The following SETDB1 variants were observed in gnomAD, a reference collection of about 807,000 sequenced individuals.
SETDB1 encodes SET domain bifurcated histone lysine methyltransferase 1, also known as histone-lysine N-methyltransferase SETDB1.
A neutral mutation model predicts 137.4 loss-of-function variants in SETDB1; 31 were observed. The observed-to-expected ratio is 0.23, with a 90% confidence interval of 0.17 to 0.30. The LOEUF (loss-of-function observed/expected upper bound fraction) is 0.30. Ranked by LOEUF, SETDB1 falls within the 10% of genes least tolerant of loss-of-function variation. The pLI is 1.00. For missense variants in SETDB1, 1,113 were observed against 1,631.5 expected (o/e 0.68, Z 5.47); for synonymous variants, 548 against 579.9 (o/e 0.95, Z 0.79).
chr1:150,928,078 G>T (rs987311482), intron 2 of SETDB1, 104 bp downstream of exon 2: 13 of 1,384,502 alleles, frequency 9.4e-6, no homozygotes, highest in Non-Finnish European at 1.3e-5. Flanking sequence ...TATGTTTTGA[G>T]ACGGAGTCTC....
intron 5 of SETDB1, 40 bp from the exon 6 acceptor site, chr1:150,942,523 T>A (rs1670197690): frequency 1.9e-6 from 3 of 1,579,194 alleles, no homozygotes; most frequent in Non-Finnish European, 1.7e-6. Flanking sequence ...CTACCGAATC[T>A]ATGTCATAAC....
intron 14 of SETDB1, 137 bp downstream of exon 14, chr1:150,951,618 A>G: frequency 1.8e-6 from 1 of 552,086 alleles, no homozygotes; most frequent in South Asian, 2.8e-5. Context: ...TTTATTAATT[A>G]GATCTTATTT....
intron 1 of SETDB1, 47 bp from the exon 2 acceptor site, chr1:150,927,657 T>C (rs781094889): frequency 1.3e-6 from 2 of 1,546,558 alleles, no homozygotes; most frequent in Non-Finnish European, 8.8e-7. Flanking sequence ...TATTGATTGA[T>C]TGTAGTTATA....
At chr1:150,939,251 A>ATTTTTT (rs71580343) in intron 3 of SETDB1, among the ~76,000 whole-genome samples, 1 of 107,188 alleles carries the variant, frequency 9.3e-6, no homozygotes, top group Non-Finnish European at 1.8e-5. Flanking sequence ...TGCACCCAGC[A>ATTTTTT]TTTTTTTTTT....
At chr1:150,937,071 G>T (rs1669968322) in intron 3 of SETDB1, among the ~76,000 whole-genome samples, 1 of 152,012 alleles carries the variant, frequency 6.6e-6, no homozygotes, top group Admixed American at 6.6e-5. Flanking sequence ...GTTGCTGTGA[G>T]CCAAGATTGG....
In SETDB1 at chr1:150,941,992, T is replaced by A. The variant is rs369199057; in HGVS notation, c.547+564T>A. 1.6e-3 allele frequency among the ~76,000 whole-genome samples: 246 copies of A among 149,442 alleles called. 1 individual carries two copies. The highest frequency in any genetic ancestry group is 5.8e-3 in the African/African-American group (236 of 40,344). On this transcript the variant is annotated intron_variant, in intron 5 of 21. Transcript: ENST00000692827. The stretch of plus-strand genomic sequence containing the variant: ...CTGTCTCTATTAAAAATACAAAAAT[T>A]AGCCAGGCGTGGTGGCGCACGCCTG...
intron 14 of SETDB1, among the ~76,000 whole-genome samples, chr1:150,956,620 T>G (rs1020053705): frequency 1.3e-5 from 2 of 152,208 alleles, no homozygotes; most frequent in Non-Finnish European, 2.9e-5. Context: ...TGGTGCAGGT[T>G]ACATGGTATG....
chr1:150,949,637 A>C, intron 12 of SETDB1, 112 bp downstream of exon 12: 2 of 894,320 alleles, frequency 2.2e-6, no homozygotes, highest in South Asian at 4.1e-5. Context: ...GATAGTGAGG[A>C]GTTTGGACTT....
Position 150,949,264 on chromosome 1 carries a change from A to C in SETDB1, c.1410A>C (p.Gln470His). The C allele has an allele frequency of 6.2e-7, 1 of 1,613,634 alleles. No homozygotes were observed. The highest frequency in any genetic ancestry group is 2.2e-5 in the East Asian group (1 of 44,878). ...CACCTGCTCCACCTCTATCCCCCCAAGCAGGTGACAGTGAGTGAGTGTTAT... is the reference window on the plus strand; with the variant it reads ...CACCTGCTCCACCTCTATCCCCCCACGCAGGTGACAGTGAGTGAGTGTTAT... ...PFPPAPPLSP[Q>H]AGDSESLESQ... The change falls in exon 11 of 22, where the codon CAA becomes CAC. Residue 470 changes from glutamine (Q) to histidine (H), a missense_variant. Transcript: ENST00000692827.
At chr1:150,953,860 T>A (rs920900055) in intron 14 of SETDB1, among the ~76,000 whole-genome samples, 11 of 146,188 alleles carry the variant, frequency 7.5e-5, no homozygotes, top group Non-Finnish European at 1.1e-4. Flanking sequence ...AAAAAAAAAA[T>A]TTTTTTTTTT....
At chr1:150,953,407 T>G (rs1670552346) in intron 14 of SETDB1, among the ~76,000 whole-genome samples, 1 of 150,702 alleles carries the variant, frequency 6.6e-6, no homozygotes, top group African/African-American at 2.4e-5. Flanking sequence ...GCACCTGTAA[T>G]CCCAGCTACT....
chr1:150,929,090 A>G (rs1669639581), intron 2 of SETDB1, among the ~76,000 whole-genome samples: 1 of 152,170 alleles, frequency 6.6e-6, no homozygotes, highest in African/African-American at 2.4e-5. Context: ...ATGATTTATA[A>G]TCCTTTGGGT....
chr1:150,950,378 T>G (rs1437726147), intron 12 of SETDB1, 80 bp from the exon 13 acceptor site: 14 of 1,227,322 alleles, frequency 1.1e-5, no homozygotes, highest in Non-Finnish European at 1.6e-5. Flanking sequence ...ATGAGAGAAA[T>G]GGCTTAGCTA....
At chr1:150,930,722 G>A (rs1441333306) in intron 3 of SETDB1, among the ~76,000 whole-genome samples, 2 of 151,562 alleles carry the variant, frequency 1.3e-5, no homozygotes, top group Non-Finnish European at 2.9e-5. Flanking sequence ...ATTTTTAGTA[G>A]AGACAGGGTT....
chr1:150,948,594 T>C (rs1474938886), intron 10 of SETDB1, among the ~76,000 whole-genome samples: 1 of 151,996 alleles, frequency 6.6e-6, no homozygotes, highest in Non-Finnish European at 1.5e-5. Context: ...TCCTTTACTT[T>C]GTGAATAAAC....
At chr1:150,964,128 C>T (rs767282328) in intron 21 of SETDB1, 45 bp downstream of exon 21, 1 of 1,577,708 alleles carries the variant, frequency 6.3e-7, no homozygotes, top group South Asian at 1.1e-5. Flanking sequence ...GCAAGGACCA[C>T]TGAAGTTCTA....
chr1:150,942,490 T>A, intron 5 of SETDB1, 73 bp from the exon 6 acceptor site: 1 of 1,267,672 alleles, frequency 7.9e-7, no homozygotes, highest in Non-Finnish European at 1.1e-6. Flanking sequence ...ATTACCATAC[T>A]ACCCTCTTTA....
chr1:150,964,285 A>G lies in SETDB1; in HGVS notation c.3800A>G (p.Asn1267Ser). The G allele has an allele frequency of 6.2e-7, 1 of 1,614,168 alleles. No individual in the cohort carries two copies. Among genetic ancestry groups the G allele is most frequent in the Non-Finnish European group, 8.5e-7 (1 of 1,180,028 alleles). The change falls in exon 22 of 22, where the codon AAC (asparagine) becomes AGC (serine). Residue 1267 changes from asparagine to serine, a missense_variant. This residue lies in a region of SETDB1 where 37 missense variants were observed against 123.2 expected (regional missense o/e 0.30). Coordinates refer to ENST00000692827, the MANE Select transcript of SETDB1 (RefSeq NM_001366418.1). ...GGGACAGAACTTACTTGGGACTACA[A>G]CTACGAGGTGGGCAGTGTGGAAGGC... ...RAGTELTWDY[N>S]YEVGSVEGKE...
intron 6 of SETDB1, 75 bp downstream of exon 6, chr1:150,942,763 T>A: frequency 6.3e-7 from 1 of 1,597,824 alleles, no homozygotes; most frequent in African/African-American, 1.3e-5. Flanking sequence ...CTTTTCCCCA[T>A]AACCTTCCCA....
Sources: gnomAD v4.1 joint callset for allele counts (sites outside exome capture counted in the v4.1 genomes callset) on GRCh38, gnomAD v4.1.1 for gene constraint, gnomAD v4.1.1 regional missense constraint, MANE v1.5 for transcripts, NCBI Gene and HGNC (gene_info 2026-07-23, HGNC 2026-07-21) for gene names.